USP20: variants seen among roughly 807,000 people sequenced by gnomAD.
USP20 encodes ubiquitin specific peptidase 20, also known as ubiquitin carboxyl-terminal hydrolase 20.
A neutral mutation model predicts 124.2 loss-of-function variants in USP20; 80 were observed. That is an observed-to-expected ratio of 0.64 (90% confidence interval 0.54 to 0.78). USP20 has a LOEUF of 0.78. USP20 is among the 30% of genes least tolerant of loss of function. USP20 has a pLI of 0.00. For synonymous variants in USP20, 481 were observed against 512.3 expected (o/e 0.94, Z 0.83); for missense variants, 1,043 against 1,244.4 (o/e 0.84, Z 2.44).
chr9:129,879,767 C>T lies in USP20; in HGVS notation c.2584+123C>T, dbSNP rs2034563831. On this transcript the variant is annotated intron_variant, in intron 24 of 25. Transcript: ENST00000372429. This position sits in a 1 kb window ranked among gnomAD's most constrained non-coding sequence, Gnocchi z 4.2. ...TCTTAGAGTCAGGCTGAGACGTCCACCTGAGTCCAGACCCAGGCGGCTGAG... is the reference window on the plus strand; with the variant it reads ...TCTTAGAGTCAGGCTGAGACGTCCATCTGAGTCCAGACCCAGGCGGCTGAG... 2.6e-6 allele frequency: 3 copies of T among 1,165,034 alleles called. No homozygotes were observed. The highest frequency in any genetic ancestry group is 5.0e-5 in the East Asian group (2 of 39,932). 72.2% of individuals were successfully genotyped at this position (1,165,034 alleles called of 1,614,324 possible).
intron 6 of USP20, among the ~76,000 whole-genome samples, chr9:129,860,449 TA>T (rs1318545285): frequency 1.5e-3 from 51 of 33,572 alleles, no homozygotes; most frequent in Non-Finnish European, 3.2e-3. Flanking sequence ...ATAAATAAAA[TA>T]TTTTTTTTAT....
At chr9:129,856,791 C>T (rs1271403056) in intron 4 of USP20, among the ~76,000 whole-genome samples, 4 of 152,162 alleles carry the variant, frequency 2.6e-5, no homozygotes, top group African/African-American at 7.2e-5. Context: ...AGCTGACAAC[C>T]GTCCCCGCCT....
At chr9:129,850,943 C>T (rs758447074) in intron 2 of USP20, among the ~76,000 whole-genome samples, 7 of 151,902 alleles carry the variant, frequency 4.6e-5, no homozygotes, top group East Asian at 1.9e-4. Context: ...CATGAGCCAC[C>T]GCACCCAGTC....
At chr9:129,863,760 G>A (rs2033668714) in intron 9 of USP20, among the ~76,000 whole-genome samples, 1 of 152,202 alleles carries the variant, frequency 6.6e-6, no homozygotes, top group Non-Finnish European at 1.5e-5. Context: ...TCAAAGTTGG[G>A]AATAATTTTA....
intron 3 of USP20, among the ~76,000 whole-genome samples, chr9:129,854,658 G>C (rs561168648): frequency 6.6e-6 from 1 of 152,070 alleles, no homozygotes; most frequent in Non-Finnish European, 1.5e-5. Context: ...AAAAAAACTG[G>C]GAAGAGGAGG....
In USP20 at chr9:129,857,880, A is replaced by G. The variant is rs116578308; in HGVS notation, c.136-170A>G. 4.3e-3 allele frequency among the ~76,000 whole-genome samples: 654 copies of G among 152,314 alleles called. 5 individuals are homozygous for G. Among genetic ancestry groups the G allele is most frequent in the African/African-American group, 0.015 (626 of 41,572 alleles). On this transcript the variant is annotated intron_variant, in intron 4 of 25. Coordinates refer to ENST00000372429, the MANE Select transcript of USP20 (RefSeq NM_001110303.4). ...GTCCATCACTGCCCAGCAGAACTTC[A>G]GGTGTACAGACCTACAGACCCGTGT... is the stretch of plus-strand genomic sequence containing the variant.
intron 15 of USP20, among the ~76,000 whole-genome samples, chr9:129,870,961 C>G (rs1477063782): frequency 2.0e-5 from 3 of 151,936 alleles, no homozygotes; most frequent in African/African-American, 7.3e-5. Context: ...TTTGGGAAAA[C>G]TCTCTCTTTT....
At chr9:129,871,599 T>C (rs1014491136) in intron 15 of USP20, among the ~76,000 whole-genome samples, 17 of 152,346 alleles carry the variant, frequency 1.1e-4, no homozygotes, top group African/African-American at 4.1e-4. Flanking sequence ...TTCCCACCAG[T>C]GACGCACAAG....
intron 15 of USP20, 110 bp from the exon 16 acceptor site, chr9:129,873,372 C>CCGTG: frequency 2.2e-6 from 3 of 1,389,400 alleles, no homozygotes; most frequent in Non-Finnish European, 3.1e-6. Flanking sequence ...GCATGAGCCA[C>CCGTG]CATGCCCAGC....
chr9:129,879,531 G>A lies in USP20; in HGVS notation c.2513-42G>A, dbSNP rs1365015734. On this transcript the variant is annotated intron_variant, in intron 23 of 25. Transcript: ENST00000372429. The surrounding 1 kb of genome is among the most constrained non-coding windows in gnomAD (Gnocchi z 4.2). ...GCTCTGCTGCTGTGGAGGGTGGAGG[G>A]CATGGCAGGGGCTGAACCCGAGCCC... The A allele has an allele frequency of 1.2e-6, 2 of 1,605,904 alleles. No homozygotes were observed. The highest frequency in any genetic ancestry group is 8.5e-7 in the Non-Finnish European group (1 of 1,173,792).
rs766407057 is a variant in USP20 at position 129,869,652 on chromosome 9, A to G, written c.1393-20A>G. 4 of 1,613,032 alleles carry G rather than the reference A, an allele frequency of 2.5e-6. No homozygotes were observed. Among genetic ancestry groups the G allele is most frequent in the Middle Eastern group, 1.7e-4 (1 of 6,060 alleles). On this transcript the variant is annotated intron_variant, in intron 13 of 25. Transcript: ENST00000372429. ...GACATTGCCAGAGGATGGGCAGCAG[A>G]CTGACCTTCAACCCCACAGGTATCC...
intron 6 of USP20, 26 bp downstream of exon 6, chr9:129,858,624 GGTT>G (rs775781572): frequency 6.2e-7 from 1 of 1,609,412 alleles, no homozygotes; most frequent in Admixed American, 1.7e-5. Flanking sequence ...GGCTCTGTTT[GGTT>G]GTTGGTGACA....
At position 129,845,768 on chromosome 9, in the gene USP20, C is replaced by T. The variant is rs79687725; in HGVS notation, c.-128-4045C>T. On this transcript the variant is annotated intron_variant, in intron 1 of 25. Transcript: ENST00000372429. ...GTATAGGAAGAAAAAAAAGGCAACACAAGTTCATTGTAGAAAATGCAGAAA... is the reference window on the plus strand; with the variant it reads ...GTATAGGAAGAAAAAAAAGGCAACATAAGTTCATTGTAGAAAATGCAGAAA... Among the ~76,000 whole-genome samples, 1,036 of 152,214 alleles carry T rather than the reference C, an allele frequency of 6.8e-3. 7 individuals are homozygous for T. Among genetic ancestry groups the T allele is most frequent in the Middle Eastern group, 0.02 (6 of 294 alleles).
At chr9:129,835,584 C>T (rs1433428406) in intron 1 of USP20, 85 bp downstream of exon 1, 2 of 172,460 alleles carry the variant, frequency 1.2e-5, no homozygotes, top group South Asian at 1.5e-4. Context: ...GCTGACAGGG[C>T]CTGGCTTCGC....
chr9:129,865,470 T>G, intron 10 of USP20, 89 bp downstream of exon 10: 1 of 1,404,488 alleles, frequency 7.1e-7, no homozygotes, highest in South Asian at 1.2e-5. Flanking sequence ...AAAATCGCAA[T>G]GGCAGCTGAG....
At chr9:129,836,776 T>C (rs1231756764) in intron 1 of USP20, among the ~76,000 whole-genome samples, 3 of 152,194 alleles carry the variant, frequency 2.0e-5, no homozygotes, top group Non-Finnish European at 2.9e-5. Context: ...TCTTGCCCTC[T>C]GCAGACTGGT....
chr9:129,867,865 T>G, intron 10 of USP20, 140 bp from the exon 11 acceptor site: 1 of 1,011,534 alleles, frequency 9.9e-7, no homozygotes, highest in Non-Finnish European at 1.4e-6. Context: ...GAGGCCGCTG[T>G]GGGGGTGAGC....
intron 22 of USP20, among the ~76,000 whole-genome samples, chr9:129,877,919 CA>C (rs1211589217): frequency 1.1e-4 from 17 of 151,996 alleles, no homozygotes; most frequent in Non-Finnish European, 8.8e-5. Flanking sequence ...ACTAAAAACA[CA>C]AAAAGTAGCC....
At position 129,846,241 on chromosome 9, in the gene USP20, A is replaced by ATTT. The variant is rs1226898360; in HGVS notation, c.-128-3571_-128-3570insTTT. On this transcript the variant is annotated intron_variant, in intron 1 of 25. Transcript: ENST00000372429. ...ACTGCGCCCAGCCATATATATATATATATATATTTTTTTTTTTTTTTTTTT... is the reference window on the plus strand; with the variant it reads ...ACTGCGCCCAGCCATATATATATATATTTTATATATTTTTTTTTTTTTTTTTTT... 9.1e-3 allele frequency among the ~76,000 whole-genome samples: 241 copies of ATTT among 26,374 alleles called. 7 individuals carry two copies. Among genetic ancestry groups the ATTT allele is most frequent in the East Asian group, 0.05 (58 of 1,166 alleles). The allele number at this position is 26,374 out of a possible 152,430, so 17.3% of individuals were successfully genotyped here.
Sources: gnomAD v4.1 joint callset for allele counts (sites outside exome capture counted in the v4.1 genomes callset) on GRCh38, gnomAD v4.1.1 for gene constraint, Gnocchi (gnomAD v3.1) non-coding constraint, MANE v1.5 for transcripts, NCBI Gene and HGNC (gene_info 2026-07-23, HGNC 2026-07-21) for gene names.